WDR48: variants seen among roughly 807,000 people sequenced by gnomAD.
WDR48 encodes the protein WD repeat-containing protein 48.
A neutral mutation model predicts 94.0 loss-of-function variants in WDR48; 22 were observed. The ratio of observed to expected loss-of-function variants is 0.23; its 90% confidence interval spans 0.17 to 0.33. The LOEUF is 0.33. Among genes scored for constraint, WDR48 ranks in the 10% least tolerant of loss-of-function variants. The pLI, the probability that WDR48 is intolerant of heterozygous loss-of-function variation, is 1.00. For missense variants in WDR48, 541 were observed against 813.8 expected (o/e 0.66, Z 4.08); for synonymous variants, 278 against 280.5 (o/e 0.99, Z 0.09).
chr3:39,094,371 G>A, intron 18 of WDR48: 1 of 1,460,270 alleles, frequency 6.8e-7, no homozygotes, highest in Non-Finnish European at 9.0e-7. Context: ...GCGGAGAAAT[G>A]GCAGAACTGT....
At chr3:39,082,084 G>A (rs1420141142) in intron 11 of WDR48, among the ~76,000 whole-genome samples, 1 of 152,050 alleles carries the variant, frequency 6.6e-6, no homozygotes, top group Non-Finnish European at 1.5e-5. Context: ...TCTCTAAAAT[G>A]GTTTCTTCAT....
chr3:39,052,047 A>G lies in WDR48; in HGVS notation c.22A>G (p.Asn8Asp). 6.2e-7 allele frequency: 1 copy of G among 1,613,950 alleles called. No homozygotes were observed. The highest frequency in any genetic ancestry group is 1.3e-5 in the African/African-American group (1 of 75,052). Residue 8 changes from asparagine (N) to aspartate (D), a missense_variant, in exon 1 of 19, where the codon AAC becomes GAC. This residue lies in a region of WDR48 where 90 missense variants were observed against 122.3 expected (regional missense o/e 0.74). Coordinates refer to ENST00000302313, the MANE Select transcript of WDR48 (RefSeq NM_020839.4). Reference protein sequence around the residue: MAAHHRQNTAGRRKVQVS... With the variant: MAAHHRQDTAGRRKVQVS... The stretch of plus-strand genomic sequence containing the variant: ...CAAGATGGCGGCCCATCACCGGCAG[A>G]ACACAGCAGGGCGGAGGAAAGTGCA...
chr3:39,069,819 T>C lies in WDR48; in HGVS notation c.672+75T>C. The C allele has an allele frequency of 5.7e-6, 7 of 1,220,250 alleles. No individual in the cohort carries two copies. In the South Asian group the frequency reaches 1.4e-4, roughly 24 times the overall value. The allele number at this position is 1,220,250 out of a possible 1,614,324, so 75.6% of individuals were successfully genotyped here. ...CGCACTTTGTATACTATTGCATAGGTTGATTTGAACCGAAAGCCACACTTA... is the reference window on the plus strand; with the variant it reads ...CGCACTTTGTATACTATTGCATAGGCTGATTTGAACCGAAAGCCACACTTA... On this transcript the variant is annotated intron_variant, in intron 7 of 18. Transcript: ENST00000302313.
At chr3:39,093,116 G>A (rs2035173342) in intron 17 of WDR48, among the ~76,000 whole-genome samples, 1 of 152,146 alleles carries the variant, frequency 6.6e-6, no homozygotes, top group South Asian at 2.1e-4. Context: ...CCAACCAGCT[G>A]TTGGGTTTGT....
At chr3:39,077,117 T>C (rs2034267998) in intron 8 of WDR48, 22 bp from the exon 9 acceptor site, 3 of 1,613,728 alleles carry the variant, frequency 1.9e-6, no homozygotes, top group Non-Finnish European at 2.5e-6. Flanking sequence ...CACAAAGCAA[T>C]ATTTTTGTGC....
intron 8 of WDR48, 59 bp from the exon 9 acceptor site, chr3:39,077,080 C>A: frequency 6.3e-7 from 1 of 1,585,052 alleles, no homozygotes; most frequent in Non-Finnish European, 8.7e-7. Flanking sequence ...CATATCTAGT[C>A]CTGGCAGTTC....
At chr3:39,085,714 G>C in intron 14 of WDR48, 104 bp downstream of exon 14, 1 of 946,112 alleles carries the variant, frequency 1.1e-6, no homozygotes, top group East Asian at 2.5e-5. Context: ...AATATTTGTG[G>C]TGTACTCAGT....
intron 5 of WDR48, 80 bp downstream of exon 5, chr3:39,066,955 A>G: frequency 6.6e-7 from 1 of 1,508,004 alleles, no homozygotes; most frequent in Non-Finnish European, 9.0e-7. Context: ...CATTTTTGAT[A>G]GGTTTGCATC....
chr3:39,083,380 C>T (rs1477417119), intron 11 of WDR48, among the ~76,000 whole-genome samples: 1 of 152,132 alleles, frequency 6.6e-6, no homozygotes, highest in African/African-American at 2.4e-5. Flanking sequence ...TATTTCATTG[C>T]TCCTGGGAAG....
chr3:39,068,889 A>C, intron 6 of WDR48, 30 bp downstream of exon 6: 1 of 1,494,188 alleles, frequency 6.7e-7, no homozygotes, highest in Non-Finnish European at 9.1e-7. Flanking sequence ...TTTATTTAAA[A>C]AAAAAAATTA....
In WDR48 at chr3:39,078,882, T is replaced by G. The variant is rs556495508; in HGVS notation, c.1075+643T>G. On this transcript the variant is annotated intron_variant, in intron 10 of 18. Transcript: ENST00000302313. ...CGTCTCTACTAAAAATACAAAAAAT[T>G]AGCTGGGCGTAGTGGCGGGCACCTG... Among the ~76,000 whole-genome samples the G allele has an allele frequency of 5.3e-5, 8 of 151,788 alleles. No homozygotes were observed. In the East Asian group the frequency reaches 1.6e-3, roughly 30 times the overall value.
chr3:39,074,085 C>T (rs527872134), intron 7 of WDR48, among the ~76,000 whole-genome samples: 26 of 152,300 alleles, frequency 1.7e-4, no homozygotes, highest in African/African-American at 6.0e-4. Context: ...TCCCAGGGGA[C>T]GCTGATGCTG....
chr3:39,060,970 A>G (rs967875138), intron 1 of WDR48, among the ~76,000 whole-genome samples: 1 of 152,378 alleles, frequency 6.6e-6, no homozygotes, highest in East Asian at 1.9e-4. Flanking sequence ...CTCTCAAAAA[A>G]TAAAAACAAA....
intron 7 of WDR48, among the ~76,000 whole-genome samples, chr3:39,073,596 T>C (rs980703421): frequency 1.3e-5 from 2 of 152,218 alleles, no homozygotes; most frequent in African/African-American, 4.8e-5. Flanking sequence ...AATCAAGTTT[T>C]TATACTCTTC....
chr3:39,068,168 T>C (rs902615516), intron 5 of WDR48, among the ~76,000 whole-genome samples: 1 of 152,218 alleles, frequency 6.6e-6, no homozygotes, highest in Non-Finnish European at 1.5e-5. Flanking sequence ...TAGACATTTT[T>C]CTAAACAGTA....
chr3:39,071,844 AAG>A (rs2033951691), intron 7 of WDR48, among the ~76,000 whole-genome samples: 2 of 152,252 alleles, frequency 1.3e-5, no homozygotes, highest in Non-Finnish European at 1.5e-5. Flanking sequence ...ATTTGGGAAA[AAG>A]AGATGAGAAA....
intron 2 of WDR48, among the ~76,000 whole-genome samples, chr3:39,064,154 G>GA (rs1035983684): frequency 1.3e-5 from 2 of 151,812 alleles, no homozygotes; most frequent in East Asian, 1.9e-4. Flanking sequence ...AATCAGGGAA[G>GA]AAAAAAAGAG....
chr3:39,080,544 G>A (rs1192340439), intron 11 of WDR48, among the ~76,000 whole-genome samples: 4 of 152,182 alleles, frequency 2.6e-5, no homozygotes, highest in Non-Finnish European at 5.9e-5. Flanking sequence ...TTGTTCAACA[G>A]ATATTTCCTA....
At chr3:39,094,282 T>G (rs1198170026) in intron 18 of WDR48, 5 of 1,429,210 alleles carry the variant, frequency 3.5e-6, no homozygotes, top group Non-Finnish European at 4.6e-6. Flanking sequence ...TAGCTTTTTT[T>G]TCTGACAAGA....
Sources: gnomAD v4.1 joint callset for allele counts (sites outside exome capture counted in the v4.1 genomes callset) on GRCh38, gnomAD v4.1.1 for gene constraint, gnomAD v4.1.1 regional missense constraint, MANE v1.5 for transcripts, NCBI Gene and HGNC (gene_info 2026-07-23, HGNC 2026-07-21) for gene names.